SLC37A1: variants seen among roughly 807,000 people sequenced by gnomAD.
SLC37A1 encodes the protein solute carrier family 37 member 1.
Under a neutral mutation model 75.3 loss-of-function variants are expected in SLC37A1, and 49 were observed. The ratio of observed to expected loss-of-function variants is 0.65; its 90% CI spans 0.52 to 0.83. SLC37A1 has a LOEUF of 0.83. SLC37A1 is among the 40% of genes least tolerant of loss of function. The pLI, the probability that SLC37A1 is intolerant of heterozygous loss-of-function variation, is 0.00. For synonymous variants in SLC37A1, 268 were observed against 292.1 expected (o/e 0.92, Z 0.84); for missense variants, 566 against 695.0 (o/e 0.81, Z 2.09).
intron 16 of SLC37A1, among the ~76,000 whole-genome samples, chr21:42,567,649 CT>C (rs1220503913): frequency 1.3e-5 from 2 of 152,114 alleles, no homozygotes; most frequent in East Asian, 1.9e-4. Context: ...ATTGTGTGTT[CT>C]TTATTTTATA....
Position 42,564,767 on chromosome 21 carries a change from C to G in SLC37A1, c.1195C>G (p.Leu399Val). 1 of 1,608,084 alleles carries G rather than the reference C, an allele frequency of 6.2e-7. No homozygotes were observed. The highest frequency in any genetic ancestry group is 8.5e-7 in the Non-Finnish European group (1 of 1,179,990). The stretch of plus-strand genomic sequence containing the variant: ...GGAGAAAAGGGCCTCCACCTGCGGC[C>G]TGATGCTGCTGCTCGCGGCCCCCAC... ...RLEKRASTCGLMLLLAAPTLY... is the reference protein window; with the variant it reads ...RLEKRASTCGVMLLLAAPTLY... Residue 399 changes from leucine (L) to valine (V), a missense_variant, in exon 14 of 20, where the codon CTG becomes GTG. Leu to Val is a conservative substitution (Grantham distance 32, BLOSUM62 1). Transcript: ENST00000352133.
Position 42,547,136 on chromosome 21 carries a change from T to G in SLC37A1, c.764T>G (p.Val255Gly). The G allele has an allele frequency of 6.2e-7, 1 of 1,614,202 alleles. No individual in the cohort carries two copies. The highest frequency in any genetic ancestry group is 8.5e-7 in the Non-Finnish European group (1 of 1,180,020). Residue 255 changes from valine (V) to glycine (G), a missense_variant, in exon 9 of 20, where the codon GTG (valine) becomes GGG (glycine). Val to Gly is a moderately radical substitution (Grantham distance 109, BLOSUM62 -3). Coordinates refer to ENST00000352133, the MANE Select transcript of SLC37A1 (RefSeq NM_001320537.2). The surrounding 1 kb of genome is among the most constrained non-coding windows in gnomAD (Gnocchi z 6.1). ...GACGTCAGGTGCTCCTCCACCCTGG[T>G]GACGGTAAGGACCCTGTTTTCTTGT... The part of the protein sequence containing the change: ...PNDVRCSSTL[V>G]THSKGYENGT...
At chr21:42,540,799 CA>C (rs1447783237) in intron 6 of SLC37A1, among the ~76,000 whole-genome samples, 1 of 152,186 alleles carries the variant, frequency 6.6e-6, no homozygotes, top group African/African-American at 2.4e-5. Flanking sequence ...AAGATTTTGC[CA>C]TAACACTTGA....
intron 8 of SLC37A1, among the ~76,000 whole-genome samples, chr21:42,544,200 G>A (rs768686447): frequency 1.6e-4 from 24 of 152,270 alleles, no homozygotes; most frequent in South Asian, 4.2e-4. Flanking sequence ...TGGCCCTGGC[G>A]GTCACACGAC....
chr21:42,572,483 G>A (rs1319365009), intron 17 of SLC37A1, among the ~76,000 whole-genome samples: 2 of 151,778 alleles, frequency 1.3e-5, no homozygotes, highest in African/African-American at 2.4e-5. Context: ...CTTCCTGCCT[G>A]TCTCCCTGTT....
intron 3 of SLC37A1, among the ~76,000 whole-genome samples, chr21:42,532,694 C>G (rs528687104): frequency 4.6e-5 from 7 of 152,136 alleles, no homozygotes; most frequent in Non-Finnish European, 8.8e-5. Context: ...CAGCCCCTCA[C>G]GTCCACCTTG....
intron 18 of SLC37A1, 71 bp from the exon 19 acceptor site, chr21:42,579,665 A>G (rs2056380475): frequency 1.3e-6 from 2 of 1,570,620 alleles, no homozygotes; most frequent in Admixed American, 1.7e-5. Context: ...CCAGGTCCTC[A>G]TGGTGCCCAC....
intron 12 of SLC37A1, among the ~76,000 whole-genome samples, chr21:42,563,494 G>A (rs894142192): frequency 5.5e-5 from 7 of 127,058 alleles, no homozygotes; most frequent in African/African-American, 2.3e-4. Context: ...CAGGATGATC[G>A]AGCATCCAGG....
chr21:42,504,007 T>G (rs1202065674), intron 2 of SLC37A1, among the ~76,000 whole-genome samples: 1 of 152,158 alleles, frequency 6.6e-6, no homozygotes, highest in African/African-American at 2.4e-5. Flanking sequence ...GAGTCTCAGT[T>G]CAGGGGCCCT....
At chr21:42,523,575 C>T (rs8134356) in intron 2 of SLC37A1, among the ~76,000 whole-genome samples, 28,837 of 152,250 alleles carry the variant, frequency 0.19, 3,257 homozygotes, top group Non-Finnish European at 0.26. Context: ...GGACAGAGGC[C>T]GGGGCTTCTG....
chr21:42,528,568 G>A (rs528037414), intron 3 of SLC37A1, among the ~76,000 whole-genome samples: 1 of 152,372 alleles, frequency 6.6e-6, no homozygotes, highest in East Asian at 1.9e-4. Context: ...GCTCACGCCT[G>A]TAATCCCAGC....
intron 10 of SLC37A1, among the ~76,000 whole-genome samples, chr21:42,554,740 G>A (rs1043438468): frequency 1.3e-5 from 2 of 152,232 alleles, no homozygotes; most frequent in Admixed American, 6.5e-5. Flanking sequence ...GAAATGCTAA[G>A]TTAATCTGCC....
chr21:42,501,194 T>G (rs1383808747), intron 1 of SLC37A1, among the ~76,000 whole-genome samples: 2 of 152,226 alleles, frequency 1.3e-5, no homozygotes, highest in Non-Finnish European at 2.9e-5. Context: ...GAGCTGTGCT[T>G]TATGCAGCAG....
At chr21:42,515,951 AT>A (rs1222356457) in intron 1 of SLC37A1, among the ~76,000 whole-genome samples, 1 of 151,822 alleles carries the variant, frequency 6.6e-6, no homozygotes, top group Non-Finnish European at 1.5e-5. Flanking sequence ...TAGAGATGGG[AT>A]TTTGCCATAT....
chr21:42,516,601 G>A (rs906905851), intron 1 of SLC37A1, among the ~76,000 whole-genome samples: 5 of 152,296 alleles, frequency 3.3e-5, no homozygotes, highest in South Asian at 2.1e-4. Flanking sequence ...AGAATTTATA[G>A]CACTTTTCTT....
At chr21:42,506,047 A>G (rs1344134658) in intron 2 of SLC37A1, among the ~76,000 whole-genome samples, 2 of 152,226 alleles carry the variant, frequency 1.3e-5, no homozygotes, top group Non-Finnish European at 2.9e-5. Context: ...GAGGCTGGGC[A>G]GGCAGTAAGA....
intron 9 of SLC37A1, among the ~76,000 whole-genome samples, chr21:42,550,240 A>T (rs923226572): frequency 8.5e-5 from 13 of 152,244 alleles, no homozygotes; most frequent in African/African-American, 2.9e-4. Context: ...ACCAAGAATA[A>T]AGGAGGACTC....
Position 42,559,014 on chromosome 21 carries a change from C to A in SLC37A1, c.906C>A (p.Asn302Lys). The change falls in exon 11 of 20, where the codon AAC (asparagine) becomes AAA (lysine). Residue 302 changes from asparagine to lysine, a missense_variant. By Grantham distance (94) the Asn-to-Lys change is moderately conservative. Coordinates refer to ENST00000352133, the MANE Select transcript of SLC37A1 (RefSeq NM_001320537.2). ...ATGGGAAGGGCTCCATCCACCCGAA[C>A]CACGTCGTCATTCTCCCCGGGGACG... is the stretch of plus-strand genomic sequence containing the variant. Reference protein sequence around the residue: ...LSDGKGSIHPNHVVILPGDGG... With the variant: ...LSDGKGSIHPKHVVILPGDGG... 1 of 1,613,938 alleles carries A rather than the reference C, an allele frequency of 6.2e-7. No homozygotes were observed. Among genetic ancestry groups the A allele is most frequent in the Middle Eastern group, 1.6e-4 (1 of 6,062 alleles).
At chr21:42,524,522 T>C (rs1205411749) in intron 2 of SLC37A1, among the ~76,000 whole-genome samples, 1 of 152,224 alleles carries the variant, frequency 6.6e-6, no homozygotes, top group Non-Finnish European at 1.5e-5. Context: ...CCGTGAAATA[T>C]TTATATGTCT....
Sources: allele counts gnomAD v4.1 joint callset (sites outside exome capture counted in the v4.1 genomes callset), GRCh38; gene constraint gnomAD v4.1.1; non-coding constraint Gnocchi (gnomAD v3.1); transcripts MANE v1.5; gene names NCBI Gene and HGNC (gene_info 2026-07-23, HGNC 2026-07-21).